Variants in FDX1 observed in about 807,000 individuals in gnomAD.
FDX1 encodes the protein adrenodoxin, mitochondrial.
FDX1 carries 9 observed loss-of-function variants against 14.9 expected under a neutral mutation model. That is an observed-to-expected ratio of 0.60 (90% confidence interval 0.36 to 1.05). The LOEUF (loss-of-function observed/expected upper bound fraction) is 1.05, where lower values mean the gene tolerates loss of function less well. Among genes scored for constraint, FDX1 ranks in the 50% least tolerant of loss-of-function variants. The pLI is 0.01. For synonymous variants in FDX1, 92 were observed against 99.4 expected, an observed-to-expected ratio of 0.93 and a Z score of 0.44; for missense variants, 204 against 237.2, an observed-to-expected ratio of 0.86 and a Z score of 0.92.
At chr11:110,444,685 C>CACGTATATATATAT (rs1946431203) in intron 2 of FDX1, among the ~76,000 whole-genome samples, 1 of 36,736 alleles carries the variant, frequency 2.7e-5, no homozygotes, top group Non-Finnish European at 4.4e-5. Context: ...TATATATATA[C>CACGTATATATATAT]ACGTATATAT....
intron 2 of FDX1, 33 bp from the exon 3 acceptor site, chr11:110,456,885 G>A (rs1417666909): frequency 1.3e-6 from 2 of 1,587,798 alleles, no homozygotes; most frequent in African/African-American, 2.7e-5. Context: ...TGATGTAGAA[G>A]GGACTATGTT....
intron 2 of FDX1, among the ~76,000 whole-genome samples, chr11:110,455,009 T>C (rs1946513036): frequency 6.6e-6 from 1 of 152,192 alleles, no homozygotes; most frequent in Non-Finnish European, 1.5e-5. Context: ...TTTTTGTTTT[T>C]GTTTTGTTTT....
At chr11:110,459,089 C>T (rs563004355) in intron 3 of FDX1, among the ~76,000 whole-genome samples, 125 of 152,176 alleles carry the variant, frequency 8.2e-4, no homozygotes, top group Non-Finnish European at 1.6e-3. Context: ...CAACTGCTTG[C>T]GGAATTAATA....
intron 3 of FDX1, among the ~76,000 whole-genome samples, chr11:110,458,827 G>A (rs928023367): frequency 9.9e-5 from 15 of 152,020 alleles, no homozygotes; most frequent in East Asian, 1.9e-4. Context: ...AGGCTGTCTC[G>A]AACTCCTGAC....
At chr11:110,435,664 A>G (rs1009511955) in intron 1 of FDX1, among the ~76,000 whole-genome samples, 170 bp from the exon 2 acceptor site, 3 of 152,232 alleles carry the variant, frequency 2.0e-5, no homozygotes, top group Admixed American at 1.3e-4. Flanking sequence ...CTTGAGCAAC[A>G]TGGTGGCACC....
Position 110,463,592 on chromosome 11 carries a change from A to G in FDX1, c.*1124A>G, listed in dbSNP as rs1220669824. 1.3e-5 allele frequency: 2 copies of G among 152,248 alleles called. No individual in the cohort carries two copies. The highest frequency in any genetic ancestry group is 2.9e-5 in the Non-Finnish European group (2 of 68,044). 9.4% of individuals were successfully genotyped at this position (152,248 alleles called of 1,614,324 possible). On this transcript the variant is annotated 3_prime_UTR_variant, in exon 4 of 4. Transcript: ENST00000260270. ...GAACAAATTAGTAGAAAGAGGTTATAAGACAATTGAGTTAGCTTCATGTGT... is the reference window on the plus strand; with the variant it reads ...GAACAAATTAGTAGAAAGAGGTTATGAGACAATTGAGTTAGCTTCATGTGT...
At chr11:110,456,265 T>A (rs1235714624) in intron 2 of FDX1, among the ~76,000 whole-genome samples, 2 of 152,236 alleles carry the variant, frequency 1.3e-5, no homozygotes, top group Non-Finnish European at 2.9e-5. Flanking sequence ...CAGTAATTAC[T>A]ATGTAAGTTT....
Position 110,462,273 on chromosome 11 carries a change from A to G in FDX1, c.441-81A>G, listed in dbSNP as rs951341908. On this transcript the variant is annotated intron_variant, in intron 3 of 3. Transcript: ENST00000260270. ...CTGACTGCTTTGGGTAAGAAAATAT[A>G]AAGACTATCTTAAACAACTGCATTG... 4 of 709,662 alleles carry G rather than the reference A, an allele frequency of 5.6e-6. No homozygotes were observed. In the Admixed American group the frequency reaches 1.0e-4, roughly 18 times the overall value. 44.0% of individuals were successfully genotyped at this position (709,662 alleles called of 1,614,324 possible). A position where few individuals can be genotyped will look rare whatever the true frequency, so the allele number is the denominator to read the frequency against.
At chr11:110,438,431 T>C (rs561395962) in intron 2 of FDX1, among the ~76,000 whole-genome samples, 1 of 152,150 alleles carries the variant, frequency 6.6e-6, no homozygotes, top group African/African-American at 2.4e-5. Flanking sequence ...TTTAAATATT[T>C]ATTTATTTAT....
chr11:110,447,567 GT>G (rs1228515026), intron 2 of FDX1, among the ~76,000 whole-genome samples: 1 of 151,956 alleles, frequency 6.6e-6, no homozygotes, highest in Non-Finnish European at 1.5e-5. Flanking sequence ...CCTCTTTTTT[GT>G]TTTTTTCTCA....
intron 1 of FDX1, among the ~76,000 whole-genome samples, chr11:110,431,606 G>A (rs999569966): frequency 6.6e-6 from 1 of 152,172 alleles, no homozygotes; most frequent in African/African-American, 2.4e-5. Context: ...ACCAGTGTGG[G>A]TACCTTGCTT....
intron 3 of FDX1, among the ~76,000 whole-genome samples, chr11:110,461,776 ATGACCATTACC>A (rs1468864717): frequency 6.6e-6 from 1 of 152,218 alleles, no homozygotes; most frequent in East Asian, 1.9e-4. Flanking sequence ...TAGCTGTGAC[ATGACCATTACC>A]TGACAGTGTA....
rs375563190 is a variant in FDX1 at position 110,462,358 on chromosome 11, C to T, written c.445C>T (p.Arg149Trp). The change falls in exon 4 of 4, where the codon CGG becomes TGG. Residue 149 changes from arginine (R) to tryptophan (W), a missense_variant. Arg to Trp is a moderately radical substitution (Grantham distance 101). Transcript: ENST00000260270. ...CCTTCCCCCTTTTCCATACAGATCACGGTTGGGCTGCCAAATCTGTTTGAC... is the reference window on the plus strand; with the variant it reads ...CCTTCCCCCTTTTCCATACAGATCATGGTTGGGCTGCCAAATCTGTTTGAC... ...DLAYGLTDRS[R>W]LGCQICLTKS... 4.2e-5 allele frequency: 68 copies of T among 1,602,182 alleles called. No homozygotes were observed. The highest frequency in any genetic ancestry group is 5.4e-5 in the Non-Finnish European group (63 of 1,169,914).
chr11:110,461,567 A>G (rs1946556938), intron 3 of FDX1, among the ~76,000 whole-genome samples: 1 of 151,720 alleles, frequency 6.6e-6, no homozygotes, highest in African/African-American at 2.4e-5. Context: ...CAAAAAAAAA[A>G]GGAAATTAGT....
At position 110,463,565 on chromosome 11, in the gene FDX1, C is replaced by T. The variant is rs1346773634; in HGVS notation, c.*1097C>T. ...AACTTGGACTAATTGTGAGGAAGAGCAGAACAAATTAGTAGAAAGAGGTTA... is the reference window on the plus strand; with the variant it reads ...AACTTGGACTAATTGTGAGGAAGAGTAGAACAAATTAGTAGAAAGAGGTTA... On this transcript the variant is annotated 3_prime_UTR_variant, in exon 4 of 4. Transcript: ENST00000260270. 6.6e-6 allele frequency: 1 copy of T among 152,118 alleles called. No homozygotes were observed. The highest frequency in any genetic ancestry group is 1.5e-5 in the Non-Finnish European group (1 of 68,030). The allele number at this position is 152,118 out of a possible 1,614,324, so 9.4% of individuals were successfully genotyped here.
At chr11:110,447,393 G>A (rs1946458437) in intron 2 of FDX1, among the ~76,000 whole-genome samples, 1 of 151,420 alleles carries the variant, frequency 6.6e-6, no homozygotes. Flanking sequence ...GTCGGAGGTT[G>A]CAGTGAGCCG....
chr11:110,458,679 C>T (rs1290542484), intron 3 of FDX1, among the ~76,000 whole-genome samples: 2 of 151,882 alleles, frequency 1.3e-5, no homozygotes, highest in Non-Finnish European at 2.9e-5. Flanking sequence ...ATGATCTTGG[C>T]TCACTGCAAC....
Position 110,462,423 on chromosome 11 carries a change from A to G in FDX1, c.510A>G (p.Thr170=). 1 of 1,607,272 alleles carries G rather than the reference A, an allele frequency of 6.2e-7. No homozygotes were observed. Among genetic ancestry groups the G allele is most frequent in the Non-Finnish European group, 8.5e-7 (1 of 1,173,902 alleles). The change falls in exon 4 of 4, where the codon ACA becomes ACG. Residue 170 remains threonine (T), a synonymous_variant. Coordinates refer to ENST00000260270, the MANE Select transcript of FDX1 (RefSeq NM_004109.5). ...MDNMTVRVPE[T]VADARQSIDV... is the part of the protein sequence containing the mutation. ...ATATGACTGTTCGAGTGCCTGAAACAGTGGCTGATGCCAGACAATCCATTG... is the reference window on the plus strand; with the variant it reads ...ATATGACTGTTCGAGTGCCTGAAACGGTGGCTGATGCCAGACAATCCATTG...
At chr11:110,442,209 G>C (rs190397230) in intron 2 of FDX1, among the ~76,000 whole-genome samples, 2 of 152,240 alleles carry the variant, frequency 1.3e-5, no homozygotes, top group African/African-American at 4.8e-5. Context: ...GGGCAGTGCA[G>C]AAGGGAAATG....
Sources: gnomAD v4.1 joint callset for allele counts (sites outside exome capture counted in the v4.1 genomes callset) on GRCh38, gnomAD v4.1.1 for gene constraint, MANE v1.5 for transcripts, NCBI Gene and HGNC (gene_info 2026-07-23, HGNC 2026-07-21) for gene names.